Variants in ZNF235 observed in about 807,000 individuals in gnomAD.
ZNF235 encodes the protein zinc finger protein 235.
Under a neutral mutation model 29.4 loss-of-function variants are expected in ZNF235, and 25 were observed. That is an observed-to-expected ratio of 0.85 (90% CI 0.62 to 1.19). The LOEUF (loss-of-function observed/expected upper bound fraction) is 1.19, where lower values mean the gene tolerates loss of function less well. Among genes scored for constraint, ZNF235 ranks in the 50% most tolerant of loss-of-function variants. The pLI, the probability that ZNF235 is intolerant of heterozygous loss-of-function variation, is 0.00. For missense variants in ZNF235, 788 were observed against 885.0 expected, an observed-to-expected ratio of 0.89 and a Z score of 1.39; for synonymous variants, 300 against 295.3, an observed-to-expected ratio of 1.02 and a Z score of -0.16.
chr19:44,288,818 T>C lies in ZNF235; in HGVS notation c.617A>G (p.Lys206Arg). ...AACATATGGAGCAAATATACATAGT[T>C]TGTTTTTCATCTGAGTCTGCTTACA... is the stretch of plus-strand genomic sequence containing the variant. The part of the protein sequence containing the change: ...RSCKQTQMKN[K>R]LCIFAPYVDI... The change falls in exon 5 of 5, where the codon AAA (lysine) becomes AGA (arginine). Residue 206 changes from lysine to arginine, a missense_variant. Lys to Arg is a conservative substitution (Grantham distance 26). Coordinates refer to ENST00000291182, the MANE Select transcript of ZNF235 (RefSeq NM_004234.4). 6.2e-7 allele frequency: 1 copy of C among 1,612,904 alleles called. No individual in the cohort carries two copies. The highest frequency in any genetic ancestry group is 8.5e-7 in the Non-Finnish European group (1 of 1,179,228).
chr19:44,297,502 T>G (rs1043085061), intron 4 of ZNF235: 1 of 152,322 alleles, frequency 6.6e-6, no homozygotes, highest in Non-Finnish European at 1.5e-5. Flanking sequence ...TCGCTTTTGT[T>G]GTCCAGGCTG....
intron 4 of ZNF235, among the ~76,000 whole-genome samples, chr19:44,292,500 G>A (rs1054994835): frequency 2.0e-5 from 3 of 150,656 alleles, no homozygotes; most frequent in Non-Finnish European, 4.4e-5. Context: ...AAAGCATCTC[G>A]GTACTTCAAG....
intron 1 of ZNF235, 102 bp downstream of exon 1, chr19:44,304,869 G>A (rs943547019): frequency 1.9e-5 from 19 of 985,352 alleles, no homozygotes; most frequent in Non-Finnish European, 2.3e-5. Flanking sequence ...CTCCAGCGCT[G>A]GCCGCGGCTT....
chr19:44,291,556 C>T (rs550770762), intron 4 of ZNF235, among the ~76,000 whole-genome samples: 1 of 152,030 alleles, frequency 6.6e-6, no homozygotes, highest in Non-Finnish European at 1.5e-5. Context: ...ATACAAATTA[C>T]AAATATCAGG....
chr19:44,291,774 A>G (rs1975587514), intron 4 of ZNF235, among the ~76,000 whole-genome samples: 1 of 152,158 alleles, frequency 6.6e-6, no homozygotes, highest in African/African-American at 2.4e-5. Context: ...ATTTCCACAA[A>G]CAAAAGTTCA....
chr19:44,304,913 G>A, intron 1 of ZNF235, 58 bp downstream of exon 1: 1 of 985,498 alleles, frequency 1.0e-6, no homozygotes, highest in Non-Finnish European at 1.2e-6. Flanking sequence ...TTCATTGCTG[G>A]CCCCACGCCT....
chr19:44,287,670 G>A lies in ZNF235; in HGVS notation c.1765C>T (p.His589Tyr), dbSNP rs1975508566. The change falls in exon 5 of 5, where the codon CAT becomes TAT. Residue 589 changes from histidine (H) to tyrosine (Y), a missense_variant. By Grantham distance (83) the His-to-Tyr change is moderately conservative. Transcript: ENST00000291182. ...TTTTCCCCAGTGTGGACGCTCTGAT[G>A]GGCTTGAAGATTTGAAGCCTGACTG... Reference protein sequence around the residue: ...GFSQASNLQAHQSVHTGEKPF... With the variant: ...GFSQASNLQAYQSVHTGEKPF... The A allele has an allele frequency of 6.2e-7, 1 of 1,613,936 alleles. No homozygotes were observed. The highest frequency in any genetic ancestry group is 2.2e-5 in the East Asian group (1 of 44,886).
In ZNF235 at chr19:44,298,717, A is replaced by T; in HGVS notation, c.238+91T>A. The T allele has an allele frequency of 4.0e-6, 4 of 992,984 alleles. 1 individual carries two copies. The highest frequency in any genetic ancestry group is 3.1e-6 in the Non-Finnish European group (2 of 654,860). The allele number at this position is 992,984 out of a possible 1,614,324, so 61.5% of individuals were successfully genotyped here. A position where few individuals can be genotyped will look rare whatever the true frequency, so the allele number is the denominator to read the frequency against. ...AACCATGACAGATGTTTTTTAAAAA[A>T]GTCTCTCAGGTAGCTGAGTGGAGAA... On this transcript the variant is annotated intron_variant, in intron 4 of 4. Coordinates refer to ENST00000291182, the MANE Select transcript of ZNF235 (RefSeq NM_004234.4).
chr19:44,289,953 G>A (rs2123092587), intron 4 of ZNF235: 1 of 152,312 alleles, frequency 6.6e-6, no homozygotes, highest in South Asian at 2.1e-4. Flanking sequence ...AGTAAACCAA[G>A]TAGGAAGATA....
chr19:44,300,329 G>C (rs537970092), intron 2 of ZNF235, among the ~76,000 whole-genome samples: 1 of 152,304 alleles, frequency 6.6e-6, no homozygotes, highest in South Asian at 2.1e-4. Context: ...GTGACATACA[G>C]TAAGTACTCA....
chr19:44,303,440 C>T lies in ZNF235; in HGVS notation c.-36G>A, dbSNP rs746360181. 8.7e-6 allele frequency: 14 copies of T among 1,607,082 alleles called. No homozygotes were observed. Among genetic ancestry groups the T allele is most frequent in the Admixed American group, 5.0e-5 (3 of 59,602 alleles). ...CTCCTTCTGGGAAAAGGCAGAGTTC[C>T]GGGGAAGTGAACCTGAGGGAGGGAA... is the stretch of plus-strand genomic sequence containing the variant. On this transcript the variant is annotated 5_prime_UTR_variant, in exon 2 of 5. Transcript: ENST00000291182.
At chr19:44,302,341 T>C (rs1475950483) in intron 2 of ZNF235, among the ~76,000 whole-genome samples, 1 of 151,914 alleles carries the variant, frequency 6.6e-6, no homozygotes, top group Admixed American at 6.6e-5. Context: ...AACAAGTAAA[T>C]GATGGAAAAT....
intron 4 of ZNF235, chr19:44,289,734 C>G (rs1035592786): frequency 6.6e-6 from 1 of 152,274 alleles, no homozygotes; most frequent in Admixed American, 6.5e-5. Context: ...AAATTGACTT[C>G]TTTGCCTATA....
chr19:44,293,482 GACCTCAACAC>G (rs1291354332), intron 4 of ZNF235, among the ~76,000 whole-genome samples: 3 of 151,798 alleles, frequency 2.0e-5, no homozygotes, highest in Non-Finnish European at 2.9e-5. Context: ...AACAGTGGGG[GACCTCAACAC>G]CCCACAGACA....
In ZNF235 at chr19:44,287,603, GC is replaced by G. The variant is rs1293716941; in HGVS notation, c.1831del (p.Ala611ProfsTer37). 3 of 1,611,964 alleles carry G rather than the reference GC, an allele frequency of 1.9e-6. No individual in the cohort carries two copies. Among genetic ancestry groups the G allele is most frequent in the Non-Finnish European group, 2.5e-6 (3 of 1,179,380 alleles). The part of the protein sequence containing the change: ...CDACQKRFSQ[A>X]SHLQAHQRVH... ...TCTCTGATGGGCTTGAAGGTGTGAG[GC>G]CTGACTGAATCGCTTCTGACATGCA... On this transcript the variant is annotated frameshift_variant, in exon 5 of 5. Transcript: ENST00000291182. LOFTEE classifies it high-confidence loss of function.
intron 2 of ZNF235, among the ~76,000 whole-genome samples, chr19:44,302,544 A>AT (rs1568647216): frequency 1.3e-5 from 2 of 151,748 alleles, no homozygotes; most frequent in African/African-American, 4.8e-5. Flanking sequence ...AGGATCTCTT[A>AT]AGCCCAGAAG....
At chr19:44,302,528 G>A (rs946678410) in intron 2 of ZNF235, among the ~76,000 whole-genome samples, 13 of 151,726 alleles carry the variant, frequency 8.6e-5, no homozygotes, top group African/African-American at 2.7e-4. Context: ...GTTAGGCCAC[G>A]GCAGGAGGAT....
chr19:44,300,666 C>T (rs1168730340), intron 2 of ZNF235, among the ~76,000 whole-genome samples: 1 of 151,748 alleles, frequency 6.6e-6, no homozygotes, highest in Non-Finnish European at 1.5e-5. Flanking sequence ...ATGGTGAAAC[C>T]CTGTCTCTAC....
At chr19:44,304,727 A>G in intron 1 of ZNF235, 1 of 985,510 alleles carries the variant, frequency 1.0e-6, no homozygotes, top group Non-Finnish European at 1.2e-6. Context: ...AGGAGCAGGC[A>G]GGACTGGCTG....
Sources: gnomAD v4.1 joint callset for allele counts (sites outside exome capture counted in the v4.1 genomes callset) on GRCh38, gnomAD v4.1.1 for gene constraint, MANE v1.5 for transcripts, NCBI Gene and HGNC (gene_info 2026-07-23, HGNC 2026-07-21) for gene names.